ZDHHC7: variants seen among roughly 807,000 people sequenced by gnomAD.
ZDHHC7 encodes the protein zDHHC palmitoyltransferase 7.
ZDHHC7 carries 12 observed loss-of-function variants against 34.1 expected under a neutral mutation model. The ratio of observed to expected loss-of-function variants is 0.35; its 90% CI spans 0.23 to 0.57. ZDHHC7 has a LOEUF of 0.57. ZDHHC7 is among the 20% of genes least tolerant of loss of function. The pLI is 0.84. For synonymous variants in ZDHHC7, 185 were observed against 155.4 expected, an observed-to-expected ratio of 1.19 and a Z score of -1.42; for missense variants, 388 against 402.7, an observed-to-expected ratio of 0.96 and a Z score of 0.31.
chr16:85,022,702 C>A, the ZDHHC7 span, among the ~76,000 whole-genome samples: 2 of 152,074 alleles, frequency 1.3e-5, no homozygotes, highest in Non-Finnish European at 2.9e-5. Context: ...AAAAAAGGTA[C>A]CTTTACAATG....
chr16:85,011,687 C>T (rs564331411), upstream of ZDHHC7, among the ~76,000 whole-genome samples: 11 of 152,306 alleles, frequency 7.2e-5, no homozygotes, highest in Admixed American at 1.3e-4. Context: ...CAGCCCCTCT[C>T]GCTAAGACAG....
chr16:85,000,877 A>T (rs921275128), intron 1 of ZDHHC7, among the ~76,000 whole-genome samples: 1 of 152,240 alleles, frequency 6.6e-6, no homozygotes, highest in Non-Finnish European at 1.5e-5. Flanking sequence ...AGTTAGCAGC[A>T]AAGTGTGATC....
rs751219211 is a variant in ZDHHC7, at chr16:84,975,539, C to T, written c.*804G>A. On this transcript the variant is annotated 3_prime_UTR_variant, in exon 8 of 8. Coordinates refer to ENST00000313732, the MANE Select transcript of ZDHHC7 (RefSeq NM_017740.3). ...AGGGCAACGAAGGGCCGCACAGGAACGGCTGTTCTTTGGATCGAGATGTCC... is the reference window on the plus strand; with the variant it reads ...AGGGCAACGAAGGGCCGCACAGGAATGGCTGTTCTTTGGATCGAGATGTCC... The T allele has an allele frequency of 1.3e-5, 2 of 152,672 alleles. No homozygotes were observed. The highest frequency in any genetic ancestry group is 2.4e-5 in the African/African-American group (1 of 41,472). 9.5% of individuals were successfully genotyped at this position (152,672 alleles called of 1,614,324 possible).
At chr16:85,022,004 A>T in the ZDHHC7 span, among the ~76,000 whole-genome samples, 1 of 150,912 alleles carries the variant, frequency 6.6e-6, no homozygotes, top group Non-Finnish European at 1.5e-5. Flanking sequence ...AAAATACAAA[A>T]AAAAAATTAG....
In ZDHHC7 at chr16:84,982,061, G is replaced by C. The variant is rs543496920; in HGVS notation, c.316-67C>G. 75 of 1,597,382 alleles carry C rather than the reference G, an allele frequency of 4.7e-5. No homozygotes were observed. The African/African-American group carries it at 8.4e-4, about 18-fold the overall frequency. On this transcript the variant is annotated intron_variant, in intron 3 of 7. Transcript: ENST00000313732. ...AGTTAAAAACATCAGGCCGGGCGCAGTGGGTCACACCTGTAATCCCAGCAC... is the reference window on the plus strand; with the variant it reads ...AGTTAAAAACATCAGGCCGGGCGCACTGGGTCACACCTGTAATCCCAGCAC...
chr16:85,020,682 G>A, the ZDHHC7 span, among the ~76,000 whole-genome samples: 14 of 152,054 alleles, frequency 9.2e-5, no homozygotes, highest in East Asian at 3.9e-4. Context: ...AAGGGGAAGC[G>A]GTTCGAGACC....
chr16:85,009,737 C>A (rs1054468006), intron 1 of ZDHHC7, among the ~76,000 whole-genome samples: 22 of 120,126 alleles, frequency 1.8e-4, no homozygotes, highest in Admixed American at 6.7e-4. Flanking sequence ...GAGACGGAGT[C>A]TTGCTCTGTC....
At chr16:84,979,952 T>TG (rs1491104078) in intron 4 of ZDHHC7, among the ~76,000 whole-genome samples, 9 of 31,244 alleles carry the variant, frequency 2.9e-4, no homozygotes, top group African/African-American at 2.0e-3. Context: ...GCGTCACCTT[T>TG]TTTTTTTTTT....
At chr16:84,981,513 C>A (rs772797096) in intron 4 of ZDHHC7, among the ~76,000 whole-genome samples, 9 of 152,204 alleles carry the variant, frequency 5.9e-5, no homozygotes, top group African/African-American at 2.2e-4. Flanking sequence ...GGCCCCCACA[C>A]AGGATGTGCC....
chr16:84,998,037 G>T (rs1242122515), intron 1 of ZDHHC7, among the ~76,000 whole-genome samples: 1 of 151,030 alleles, frequency 6.6e-6, no homozygotes, highest in African/African-American at 2.4e-5. Context: ...GAGGCGGGCG[G>T]ATCACGAGAT....
chr16:85,023,809 G>A, the ZDHHC7 span, among the ~76,000 whole-genome samples: 75,168 of 151,746 alleles, frequency 0.5, 20,429 homozygotes, highest in African/African-American at 0.74. Context: ...TGGTAGAGAC[G>A]GGGTTTCACC....
At chr16:84,992,513 T>A (rs1175956326) in intron 2 of ZDHHC7, among the ~76,000 whole-genome samples, 2 of 152,192 alleles carry the variant, frequency 1.3e-5, no homozygotes, top group African/African-American at 4.8e-5. Flanking sequence ...TGGTAACTGT[T>A]TTGACTGCTT....
intron 3 of ZDHHC7, 70 bp from the exon 4 acceptor site, chr16:84,982,064 G>C: frequency 6.3e-7 from 1 of 1,590,330 alleles, no homozygotes. Flanking sequence ...GGGCGCAGTG[G>C]GTCACACCTG....
Position 84,975,449 on chromosome 16 carries a change from CAAAAA to C in ZDHHC7, c.*889_*893del, listed in dbSNP as rs60226788. 4 of 142,954 alleles carry C rather than the reference CAAAAA, an allele frequency of 2.8e-5. No homozygotes were observed. Among genetic ancestry groups the C allele is most frequent in the African/African-American group, 1.0e-4 (4 of 38,894 alleles). The allele number at this position is 142,954 out of a possible 1,614,324, so 8.9% of individuals were successfully genotyped here. ...TTATACACTGCTAATTTGGCTGGAA[CAAAAA>C]AAAAAAATCAGTTCCAAGGCCCTCA... On this transcript the variant is annotated 3_prime_UTR_variant, in exon 8 of 8. Coordinates refer to ENST00000313732, the MANE Select transcript of ZDHHC7 (RefSeq NM_017740.3).
At chr16:85,016,026 G>A (rs2072832693), upstream of ZDHHC7, among the ~76,000 whole-genome samples, 3 of 152,024 alleles carry the variant, frequency 2.0e-5, 1 homozygote, top group South Asian at 6.2e-4. Context: ...TCCAACAGGA[G>A]GAGGGATTAT....
intron 1 of ZDHHC7, among the ~76,000 whole-genome samples, chr16:85,005,817 C>T (rs763466121): frequency 1.3e-5 from 2 of 152,142 alleles, no homozygotes; most frequent in East Asian, 1.9e-4. Flanking sequence ...ATAGAGCTAG[C>T]GTCTTTTTCC....
intron 2 of ZDHHC7, among the ~76,000 whole-genome samples, chr16:84,992,317 A>T (rs1013569276): frequency 7.4e-6 from 1 of 134,682 alleles, no homozygotes; most frequent in Non-Finnish European, 1.5e-5. Flanking sequence ...AAATATAAAA[A>T]TTAGTCGGGC....
intron 4 of ZDHHC7, among the ~76,000 whole-genome samples, chr16:84,981,490 G>C (rs1221616598): frequency 1.3e-5 from 2 of 152,222 alleles, no homozygotes; most frequent in Admixed American, 6.5e-5. Flanking sequence ...GGAAGGTTCT[G>C]AGCCTTTCTT....
chr16:84,979,562 G>A (rs2072339814), intron 4 of ZDHHC7, among the ~76,000 whole-genome samples: 1 of 152,120 alleles, frequency 6.6e-6, no homozygotes, highest in African/African-American at 2.4e-5. Context: ...CAGTAGAGCT[G>A]GATCATGTAC....
Sources: gnomAD v4.1 joint callset for allele counts (sites outside exome capture counted in the v4.1 genomes callset) on GRCh38, gnomAD v4.1.1 for gene constraint, MANE v1.5 for transcripts, NCBI Gene and HGNC (gene_info 2026-07-23, HGNC 2026-07-21) for gene names.